The following MALRD1 variants were observed in gnomAD, a reference collection of about 807,000 sequenced individuals.
The protein encoded by MALRD1 is MAM and LDL-receptor class A domain-containing protein 1.
A neutral mutation model predicts 242.1 loss-of-function variants in MALRD1; 247 were observed. The ratio of observed to expected loss-of-function variants is 1.02; its 90% CI spans 0.92 to 1.13. MALRD1 has a LOEUF of 1.13. MALRD1 is among the 50% of genes most tolerant of loss of function. The pLI is 0.00. For synonymous variants in MALRD1, 995 were observed against 866.6 expected, an observed-to-expected ratio of 1.15 and a Z score of -2.60; for missense variants, 2,989 against 2,533.1, an observed-to-expected ratio of 1.18 and a Z score of -3.86.
chr10:19,624,343 T>C (rs1839546024), intron 36 of MALRD1, among the ~76,000 whole-genome samples: 1 of 152,100 alleles, frequency 6.6e-6, no homozygotes, highest in African/African-American at 2.4e-5. Context: ...GAAGCATTCC[T>C]TGGGCCAGGT....
intron 24 of MALRD1, among the ~76,000 whole-genome samples, chr10:19,332,765 G>C (rs991963569): frequency 8.5e-5 from 13 of 152,082 alleles, no homozygotes; most frequent in Admixed American, 2.0e-4. Context: ...GAGGTACATG[G>C]GAAAGATATT....
chr10:19,289,501 G>A (rs568612393), intron 21 of MALRD1, among the ~76,000 whole-genome samples: 6 of 152,192 alleles, frequency 3.9e-5, no homozygotes. Flanking sequence ...TTAATGGTCA[G>A]ATAATATTTA....
At chr10:19,061,090 G>A (rs1267359660) in intron 1 of MALRD1, among the ~76,000 whole-genome samples, 1 of 152,140 alleles carries the variant, frequency 6.6e-6, no homozygotes, top group Non-Finnish European at 1.5e-5. Flanking sequence ...GATACAGGGA[G>A]GGGAACAACA....
chr10:19,643,024 A>G (rs1840465295), intron 36 of MALRD1, among the ~76,000 whole-genome samples: 1 of 152,216 alleles, frequency 6.6e-6, no homozygotes, highest in South Asian at 2.1e-4. Flanking sequence ...TTGCCATCTT[A>G]TCACATCCTT....
rs1490575149 is a variant in MALRD1, at chr10:19,088,102, C to G, written c.514C>G (p.Gln172Glu). The stretch of plus-strand genomic sequence containing the variant: ...TCAAACTGCATGTGGAGGTCCTATT[C>G]AGCATTTATGGCAAAACACAGCTGC... ...GLQTACGGPI[Q>E]HLWQNTAALP... Residue 172 changes from glutamine (Q) to glutamate (E), a missense_variant, in exon 4 of 40, where the codon CAG becomes GAG. Coordinates refer to ENST00000454679, the MANE Select transcript of MALRD1 (RefSeq NM_001142308.3). 1.6e-6 allele frequency: 2 copies of G among 1,233,380 alleles called. No individual in the cohort carries two copies. Among genetic ancestry groups the G allele is most frequent in the Non-Finnish European group, 2.0e-6 (2 of 987,910 alleles). 76.4% of individuals were successfully genotyped at this position (1,233,380 alleles called of 1,614,324 possible). A position where few individuals can be genotyped will look rare whatever the true frequency, so the allele number is the denominator to read the frequency against.
At chr10:19,374,992 T>C (rs1254536276) in intron 26 of MALRD1, among the ~76,000 whole-genome samples, 1 of 152,150 alleles carries the variant, frequency 6.6e-6, no homozygotes, top group Non-Finnish European at 1.5e-5. Context: ...TGATAATACA[T>C]TGTGAAAGAA....
chr10:19,625,067 A>AGAGC (rs1000667000), intron 36 of MALRD1, among the ~76,000 whole-genome samples: 2 of 150,906 alleles, frequency 1.3e-5, no homozygotes, highest in African/African-American at 4.9e-5. Context: ...AAAAAGAGAG[A>AGAGC]GAGAGAGAGA....
At chr10:19,276,394 T>A (rs987571531) in intron 19 of MALRD1, among the ~76,000 whole-genome samples, 2 of 152,138 alleles carry the variant, frequency 1.3e-5, no homozygotes, top group Admixed American at 1.3e-4. Context: ...TTTAAGACCT[T>A]GTATTTAAAC....
At chr10:19,191,563 C>T (rs1381729846) in intron 14 of MALRD1, among the ~76,000 whole-genome samples, 4 of 152,130 alleles carry the variant, frequency 2.6e-5, no homozygotes, top group South Asian at 4.1e-4. Flanking sequence ...AAGCATTATT[C>T]ACAATAGCTA....
At chr10:19,711,441 G>C (rs1834108973) in intron 38 of MALRD1, among the ~76,000 whole-genome samples, 1 of 152,056 alleles carries the variant, frequency 6.6e-6, no homozygotes, top group Non-Finnish European at 1.5e-5. Flanking sequence ...TAATGGAGGA[G>C]GTATATATAA....
At chr10:19,518,019 A>T (rs1833714902) in intron 31 of MALRD1, among the ~76,000 whole-genome samples, 1 of 152,206 alleles carries the variant, frequency 6.6e-6, no homozygotes, top group African/African-American at 2.4e-5. Context: ...AGTTTGAGCA[A>T]GTTTTTATGA....
intron 36 of MALRD1, among the ~76,000 whole-genome samples, chr10:19,620,572 A>G (rs1839357477): frequency 6.8e-6 from 1 of 147,022 alleles, no homozygotes; most frequent in African/African-American, 2.7e-5. Context: ...CCTGAAAAAC[A>G]TTAATTTTGA....
At chr10:19,249,621 C>T (rs1839215635) in intron 18 of MALRD1, among the ~76,000 whole-genome samples, 1 of 151,868 alleles carries the variant, frequency 6.6e-6, no homozygotes, top group Non-Finnish European at 1.5e-5. Context: ...CTTAAAGTCT[C>T]ATAGAGAAGA....
intron 14 of MALRD1, among the ~76,000 whole-genome samples, chr10:19,182,785 T>G (rs1450363656): frequency 1.3e-5 from 2 of 152,150 alleles, no homozygotes; most frequent in African/African-American, 4.8e-5. Context: ...AACTTCACTT[T>G]TGGAGGAGAA....
chr10:19,112,649 G>A (rs1156268041), intron 5 of MALRD1, among the ~76,000 whole-genome samples: 1 of 152,054 alleles, frequency 6.6e-6, no homozygotes, highest in East Asian at 1.9e-4. Context: ...AAATAAGAAG[G>A]GGCAATGTTT....
At chr10:19,061,261 C>A (rs1388993544) in intron 1 of MALRD1, among the ~76,000 whole-genome samples, 4 of 152,132 alleles carry the variant, frequency 2.6e-5, no homozygotes, top group Admixed American at 2.6e-4. Flanking sequence ...AAAACTATGT[C>A]ATTGTTGAAA....
chr10:19,306,056 T>TA (rs1842166493), intron 21 of MALRD1, among the ~76,000 whole-genome samples: 1 of 100,748 alleles, frequency 9.9e-6, no homozygotes, highest in African/African-American at 4.5e-5. Flanking sequence ...ATACAATTTA[T>TA]TATACTATAC....
At chr10:19,354,941 G>T (rs368444176) in intron 26 of MALRD1, among the ~76,000 whole-genome samples, 1 of 152,078 alleles carries the variant, frequency 6.6e-6, no homozygotes, top group Non-Finnish European at 1.5e-5. Flanking sequence ...GCAGAAAAAC[G>T]TTTATGAGGT....
At chr10:19,656,081 G>T (rs1039497313) in intron 36 of MALRD1, among the ~76,000 whole-genome samples, 3 of 152,244 alleles carry the variant, frequency 2.0e-5, no homozygotes, top group Middle Eastern at 3.4e-3. Flanking sequence ...AACAATGCCA[G>T]TATATAGTAA....
Sources: gnomAD v4.1 joint callset for allele counts (sites outside exome capture counted in the v4.1 genomes callset) on GRCh38, gnomAD v4.1.1 for gene constraint, MANE v1.5 for transcripts, NCBI Gene and HGNC (gene_info 2026-07-23, HGNC 2026-07-21) for gene names.